The following GGA3 variants were observed in gnomAD, a reference collection of about 807,000 sequenced individuals.
The protein encoded by GGA3 is ADP-ribosylation factor-binding protein GGA3.
Under a neutral mutation model 77.5 loss-of-function variants are expected in GGA3, and 57 were observed. The observed-to-expected ratio is 0.74, with a 90% CI of 0.59 to 0.92. GGA3 has a LOEUF of 0.92. Among genes scored for constraint, GGA3 ranks in the 40% least tolerant of loss-of-function variants. The pLI is 0.00. For missense variants in GGA3, 970 were observed against 914.9 expected (o/e 1.06, Z -0.78); for synonymous variants, 416 against 383.7 (o/e 1.08, Z -0.98).
intron 4 of GGA3, among the ~76,000 whole-genome samples, chr17:75,244,189 G>A (rs2076674586): frequency 6.6e-6 from 1 of 152,180 alleles, no homozygotes; most frequent in East Asian, 1.9e-4. Flanking sequence ...TATTCCCTCT[G>A]CTTTAAGTGG....
chr17:75,252,255 G>A (rs541100426), intron 1 of GGA3, among the ~76,000 whole-genome samples: 1 of 151,024 alleles, frequency 6.6e-6, no homozygotes, highest in Non-Finnish European at 1.5e-5. Context: ...TAGAGATGGG[G>A]GTCTCACTCT....
chr17:75,261,100 C>T (rs574193024), intron 1 of GGA3, among the ~76,000 whole-genome samples: 3 of 152,360 alleles, frequency 2.0e-5, no homozygotes, highest in South Asian at 4.1e-4. Context: ...AGCTGCCAGG[C>T]GACTGAACGC....
At chr17:75,242,028 C>CT in intron 8 of GGA3, 2 of 542,912 alleles carry the variant, frequency 3.7e-6, no homozygotes, top group East Asian at 3.2e-5. Context: ...GGAAGCCTCT[C>CT]TGTCTTGATG....
Position 75,246,549 on chromosome 17 carries a change from A to C in GGA3, c.161T>G (p.Ile54Ser), listed in dbSNP as rs1203638873. The C allele has an allele frequency of 1.9e-6, 3 of 1,613,854 alleles. No homozygotes were observed. In the African/African-American group the frequency reaches 4.0e-5, roughly 22 times the overall value. Residue 54 changes from isoleucine (I) to serine (S), a missense_variant, in exon 3 of 17, where the codon ATC becomes AGC. Coordinates refer to ENST00000537686, the MANE Select transcript of GGA3 (RefSeq NM_138619.4). Reference sequence around the variant, plus strand: ...CGCCTCCCATTCCTGTGGGGACTGGATCTTGTGGGCCAGCAGTCGGACGGC... The same window carrying C: ...CGCCTCCCATTCCTGTGGGGACTGGCTCTTGTGGGCCAGCAGTCGGACGGC... The part of the protein sequence containing the change: ...QIAVRLLAHK[I>S]QSPQEWEALQ...
chr17:75,258,432 A>T (rs1264210349), intron 1 of GGA3, among the ~76,000 whole-genome samples: 1 of 152,086 alleles, frequency 6.6e-6, no homozygotes. Context: ...CTTTGGAGGG[A>T]GCTGAGGCAG....
chr17:75,238,218 C>T lies in GGA3; in HGVS notation c.*61G>A. ...GGCATGGAGAGTGACGGGACCAGAG[C>T]CCTCCTCGTCTCAGGGCAGCCTGCC... On this transcript the variant is annotated 3_prime_UTR_variant, in exon 17 of 17. Coordinates refer to ENST00000537686, the MANE Select transcript of GGA3 (RefSeq NM_138619.4). The T allele has an allele frequency of 6.3e-7, 1 of 1,586,862 alleles. No homozygotes were observed.
chr17:75,260,342 G>A (rs2077312852), intron 1 of GGA3, among the ~76,000 whole-genome samples: 1 of 152,166 alleles, frequency 6.6e-6, no homozygotes, highest in African/African-American at 2.4e-5. Flanking sequence ...TGAAATTATG[G>A]CAGTAGTGCC....
rs367654658 is a variant in GGA3 at position 75,239,917 on chromosome 17, A to G, written c.1455T>C (p.Ser485=). 61 of 1,611,114 alleles carry G rather than the reference A, an allele frequency of 3.8e-5. No homozygotes were observed. Among genetic ancestry groups the G allele is most frequent in the South Asian group, 2.3e-4 (21 of 90,744 alleles). Residue 485 remains serine, a synonymous_variant, in exon 13 of 17, where the codon TCT becomes TCC. Coordinates refer to ENST00000537686, the MANE Select transcript of GGA3 (RefSeq NM_138619.4). Reference sequence around the variant, plus strand: ...GGGCCAAGGCTGGGGCCACTCCAGTAGAAAACAAGGAGGAGCCCGCACTGG... The same window carrying G: ...GGGCCAAGGCTGGGGCCACTCCAGTGGAAAACAAGGAGGAGCCCGCACTGG... The part of the protein sequence containing the change: ...PAPSAGSSLF[S]TGVAPALAPK...
In GGA3 at chr17:75,249,458, C is replaced by A. The variant is rs576506183; in HGVS notation, c.41-2662G>T. Reference sequence around the variant, plus strand: ...GGGAGTTAAATGTAATCAAGGGTAGCCATTTGGAAAGAAATGTCTGGCAAT... The same window carrying A: ...GGGAGTTAAATGTAATCAAGGGTAGACATTTGGAAAGAAATGTCTGGCAAT... On this transcript the variant is annotated intron_variant, in intron 1 of 16. Coordinates refer to ENST00000537686, the MANE Select transcript of GGA3 (RefSeq NM_138619.4). Among the ~76,000 whole-genome samples, 5 of 152,320 alleles carry A rather than the reference C, an allele frequency of 3.3e-5. No homozygotes were observed. The East Asian group carries it at 9.6e-4, about 29-fold the overall frequency.
rs2076582111 is a variant in GGA3, at chr17:75,242,194, C to T, written c.747+142G>A. On this transcript the variant is annotated intron_variant, in intron 8 of 16. Transcript: ENST00000537686. The stretch of plus-strand genomic sequence containing the variant: ...ACGCCACCCTCTACTGACGTGGCTG[C>T]TGTGCAGATGAGTAAGGTCATGAAT... 5 of 857,690 alleles carry T rather than the reference C, an allele frequency of 5.8e-6. No individual in the cohort carries two copies. In the East Asian group the frequency reaches 1.2e-4, roughly 21 times the overall value. 53.1% of individuals were successfully genotyped at this position (857,690 alleles called of 1,614,324 possible). A position where few individuals can be genotyped will look rare whatever the true frequency, so the allele number is the denominator to read the frequency against.
Position 75,241,081 on chromosome 17 carries a change from C to A in GGA3, c.947-24G>T, listed in dbSNP as rs755587319. 3.1e-6 allele frequency: 5 copies of A among 1,613,764 alleles called. No homozygotes were observed. Among genetic ancestry groups the A allele is most frequent in the African/African-American group, 2.7e-5 (2 of 74,890 alleles). On this transcript the variant is annotated intron_variant, in intron 10 of 16. Coordinates refer to ENST00000537686, the MANE Select transcript of GGA3 (RefSeq NM_138619.4). ...TCCTGGATGGGTCAACAGAGCAGAACAGGAATAATTAGGGGTCTTCTAGTG... is the reference window on the plus strand; with the variant it reads ...TCCTGGATGGGTCAACAGAGCAGAAAAGGAATAATTAGGGGTCTTCTAGTG...
intron 1 of GGA3, chr17:75,249,102 G>GATGGGGTTTCGCCA: frequency 3.2e-6 from 2 of 625,486 alleles, no homozygotes; most frequent in African/African-American, 4.0e-5. Context: ...CTGGAGTGCA[G>GATGGGGTTTCGCCA]TGGCGCGATC....
intron 1 of GGA3, among the ~76,000 whole-genome samples, chr17:75,258,257 A>G (rs1003233867): frequency 4.6e-5 from 7 of 152,218 alleles, no homozygotes; most frequent in African/African-American, 9.7e-5. Context: ...CCTGTTTGGT[A>G]GTCTCTTCAC....
Position 75,237,434 on chromosome 17 carries a change from G to A in GGA3, c.*845C>T. On this transcript the variant is annotated 3_prime_UTR_variant, in exon 17 of 17. Coordinates refer to ENST00000537686, the MANE Select transcript of GGA3 (RefSeq NM_138619.4). The stretch of plus-strand genomic sequence containing the variant: ...AGAGTGGCGGTAGATTCCAAGGGGA[G>A]GATAGCAGTTTATTTCATGCCAAGC... 2.7e-6 allele frequency: 4 copies of A among 1,491,872 alleles called. No individual in the cohort carries two copies. In the South Asian group the frequency reaches 3.6e-5, roughly 13 times the overall value. The allele number at this position is 1,491,872 out of a possible 1,614,324, so 92.4% of individuals were successfully genotyped here.
Position 75,240,908 on chromosome 17 carries a change from GA to G in GGA3, c.1095del (p.Pro366HisfsTer158), listed in dbSNP as rs1311940594. On this transcript the variant is annotated frameshift_variant, in exon 11 of 17. Coordinates refer to ENST00000537686, the MANE Select transcript of GGA3 (RefSeq NM_138619.4). LOFTEE classifies it high-confidence loss of function. The part of the protein sequence containing the change: ...ILPPPPQASG[P>X]PRSRSSSQAE... ...GCCTGGCTAGAGGAGCGGCTCCGTG[GA>G]GGTCCTGAGGCCTGGGGTGGTGGAG... The G allele has an allele frequency of 6.2e-7, 1 of 1,613,744 alleles. No homozygotes were observed. The highest frequency in any genetic ancestry group is 1.3e-5 in the African/African-American group (1 of 74,904).
chr17:75,247,425 A>G (rs923830533), intron 1 of GGA3, among the ~76,000 whole-genome samples: 2 of 152,030 alleles, frequency 1.3e-5, no homozygotes, highest in African/African-American at 2.4e-5. Flanking sequence ...ACCATGCCCA[A>G]CTAATTTTGT....
At chr17:75,261,165 T>C (rs2077355425) in intron 1 of GGA3, among the ~76,000 whole-genome samples, 1 of 152,238 alleles carries the variant, frequency 6.6e-6, no homozygotes, top group Non-Finnish European at 1.5e-5. Flanking sequence ...AGCTTCTCCC[T>C]TAGTCAGGGA....
upstream of GGA3, chr17:75,261,612 T>G (rs575681758): frequency 6.1e-5 from 94 of 1,534,566 alleles, no homozygotes; most frequent in South Asian, 1.1e-3. Context: ...GCCCCGCGGC[T>G]TCAAAACTCG....
At position 75,260,141 on chromosome 17, in the gene GGA3, ACT is replaced by A. The variant is rs1041208419; in HGVS notation, c.40+1405_40+1406del. 9.2e-5 allele frequency among the ~76,000 whole-genome samples: 14 copies of A among 152,076 alleles called. No homozygotes were observed. In the East Asian group the frequency reaches 1.5e-3, roughly 17 times the overall value. On this transcript the variant is annotated intron_variant, in intron 1 of 16. Transcript: ENST00000537686. Reference sequence around the variant, plus strand: ...TCCAGCCTAGACAACAGCGCGCGAGACTCTGTCTCAAAAACAAGTAACAAAAA... The same window carrying A: ...TCCAGCCTAGACAACAGCGCGCGAGACTGTCTCAAAAACAAGTAACAAAAA...
Sources: allele counts gnomAD v4.1 joint callset (sites outside exome capture counted in the v4.1 genomes callset), GRCh38; gene constraint gnomAD v4.1.1; transcripts MANE v1.5; gene names NCBI Gene and HGNC (gene_info 2026-07-23, HGNC 2026-07-21).